The following TRPC1 variants were observed in gnomAD, a reference collection of about 807,000 sequenced individuals.
TRPC1 encodes the protein transient receptor potential cation channel subfamily C member 1.
Under a neutral mutation model 88.2 loss-of-function variants are expected in TRPC1, and 42 were observed. The observed-to-expected ratio is 0.48, with a 90% CI of 0.37 to 0.62. The LOEUF is 0.62. TRPC1 is among the 20% of genes least tolerant of loss of function. The pLI is 0.00. For missense variants in TRPC1, 699 were observed against 957.3 expected (o/e 0.73, Z 3.56); for synonymous variants, 288 against 331.8 (o/e 0.87, Z 1.43).
At chr3:142,771,409 C>T (rs957764923) in intron 4 of TRPC1, among the ~76,000 whole-genome samples, 1 of 152,044 alleles carries the variant, frequency 6.6e-6, no homozygotes, top group Non-Finnish European at 1.5e-5. Context: ...CTCCTGGACT[C>T]AAGCAGTCCC....
chr3:142,780,767 T>G (rs1371890376), intron 5 of TRPC1, 67 bp from the exon 6 acceptor site: 1 of 1,436,488 alleles, frequency 7.0e-7, no homozygotes, highest in Non-Finnish European at 9.3e-7. Context: ...AAAAACGTTT[T>G]TAGTGAATAT....
intron 4 of TRPC1, among the ~76,000 whole-genome samples, chr3:142,772,178 C>A (rs1935599169): frequency 1.3e-5 from 2 of 151,980 alleles, no homozygotes; most frequent in South Asian, 4.1e-4. Context: ...GTTTTTTTAG[C>A]TTCCTGGATG....
chr3:142,771,566 T>C (rs1310874571), intron 4 of TRPC1, among the ~76,000 whole-genome samples: 1 of 152,230 alleles, frequency 6.6e-6, no homozygotes, highest in Non-Finnish European at 1.5e-5. Flanking sequence ...ATTTTTGTTA[T>C]ACATATTCTA....
At chr3:142,737,851 G>T (rs1934197069) in intron 2 of TRPC1, among the ~76,000 whole-genome samples, 1 of 152,228 alleles carries the variant, frequency 6.6e-6, no homozygotes, top group Admixed American at 6.5e-5. Context: ...GTGTGTTTGT[G>T]TATGTGCGTT....
In TRPC1 at chr3:142,756,919, C is replaced by G. The variant is rs1934991541; in HGVS notation, c.632+8459C>G. Among the ~76,000 whole-genome samples the G allele has an allele frequency of 2.6e-5, 4 of 152,088 alleles. No individual in the cohort carries two copies. In the South Asian group the frequency reaches 8.3e-4, roughly 32 times the overall value. On this transcript the variant is annotated intron_variant, in intron 4 of 12. Transcript: ENST00000476941. ...TTCTTTCCTGGCCTCTGGTAGCCACCAGTCTACTCTCTATCTTCATGAGAT... is the reference window on the plus strand; with the variant it reads ...TTCTTTCCTGGCCTCTGGTAGCCACGAGTCTACTCTCTATCTTCATGAGAT...
At chr3:142,735,369 A>T (rs551389424) in intron 1 of TRPC1, among the ~76,000 whole-genome samples, 1 of 151,838 alleles carries the variant, frequency 6.6e-6, no homozygotes, top group South Asian at 2.1e-4. Context: ...TTCTATGCTG[A>T]TTGTTCTTTC....
intron 12 of TRPC1, 32 bp from the exon 13 acceptor site, chr3:142,805,976 C>A: frequency 1.3e-6 from 2 of 1,573,306 alleles, no homozygotes; most frequent in South Asian, 1.1e-5. Flanking sequence ...ATCGTTTCTG[C>A]ATATCCTTAG....
chr3:142,803,613 T>C (rs1050998569), intron 10 of TRPC1, among the ~76,000 whole-genome samples: 1 of 152,102 alleles, frequency 6.6e-6, no homozygotes, highest in Non-Finnish European at 1.5e-5. Context: ...ATGGGGATCA[T>C]GTAGGACTTT....
At chr3:142,727,845 T>C (rs1933746876) in intron 1 of TRPC1, among the ~76,000 whole-genome samples, 1 of 152,152 alleles carries the variant, frequency 6.6e-6, no homozygotes, top group Non-Finnish European at 1.5e-5. Flanking sequence ...TCCTCTCTCA[T>C]TGAGAATTAG....
chr3:142,735,063 G>A (rs1934078357), intron 1 of TRPC1, among the ~76,000 whole-genome samples: 1 of 152,106 alleles, frequency 6.6e-6, no homozygotes, highest in African/African-American at 2.4e-5. Flanking sequence ...TTTTCCCAGG[G>A]AGCATTTGTG....
intron 6 of TRPC1, among the ~76,000 whole-genome samples, chr3:142,784,305 A>C (rs1936060760): frequency 7.5e-6 from 1 of 133,596 alleles, no homozygotes; most frequent in Non-Finnish European, 1.5e-5. Context: ...TGGCTAAGTA[A>C]GCTAATAATA....
intron 3 of TRPC1, 139 bp from the exon 4 acceptor site, chr3:142,748,119 C>T: frequency 1.2e-6 from 1 of 808,996 alleles, no homozygotes; most frequent in Non-Finnish European, 1.9e-6. Context: ...AAATTTAGTC[C>T]AAGCAAAATG....
chr3:142,746,843 G>C (rs912669822), intron 3 of TRPC1, among the ~76,000 whole-genome samples: 15 of 151,746 alleles, frequency 9.9e-5, no homozygotes, highest in Admixed American at 2.0e-4. Flanking sequence ...GGGCGAAAGA[G>C]CGAGACTCCA....
intron 1 of TRPC1, among the ~76,000 whole-genome samples, chr3:142,731,863 G>C (rs142368775): frequency 6.6e-6 from 1 of 151,956 alleles, no homozygotes; most frequent in African/African-American, 2.4e-5. Context: ...AAAAAATTTC[G>C]TAACACATGA....
intron 10 of TRPC1, among the ~76,000 whole-genome samples, chr3:142,803,387 T>C (rs1936683776): frequency 6.6e-6 from 1 of 152,128 alleles, no homozygotes; most frequent in Non-Finnish European, 1.5e-5. Flanking sequence ...CCAGTGTGGA[T>C]GGAATGTGTT....
At chr3:142,764,015 T>TAA (rs1447301750) in intron 4 of TRPC1, among the ~76,000 whole-genome samples, 64 of 117,244 alleles carry the variant, frequency 5.5e-4, no homozygotes, top group East Asian at 2.5e-4. Flanking sequence ...TATATATATA[T>TAA]AACAAATTAT....
At chr3:142,779,481 C>T (rs1935887437) in intron 5 of TRPC1, among the ~76,000 whole-genome samples, 11 of 152,118 alleles carry the variant, frequency 7.2e-5, no homozygotes, top group Admixed American at 7.2e-4. Flanking sequence ...ATAATATATA[C>T]TTCTGATAAA....
intron 7 of TRPC1, among the ~76,000 whole-genome samples, chr3:142,788,255 T>C (rs1936191823): frequency 6.6e-6 from 1 of 152,078 alleles, no homozygotes; most frequent in Non-Finnish European, 1.5e-5. Context: ...GAGACCAATA[T>C]CGATGCTGTT....
Position 142,756,156 on chromosome 3 carries a change from A to G in TRPC1, c.632+7696A>G, listed in dbSNP as rs574024811. 7.7e-4 allele frequency among the ~76,000 whole-genome samples: 117 copies of G among 152,218 alleles called. 1 individual carries two copies. Among genetic ancestry groups the G allele is most frequent in the African/African-American group, 2.6e-3 (107 of 41,554 alleles). On this transcript the variant is annotated intron_variant, in intron 4 of 12. Transcript: ENST00000476941. ...AGTACCACCTTTTATTTATCTGTTC[A>G]CTAGCTGCTCAACATTTGAGTTGTT...
Sources: allele counts gnomAD v4.1 joint callset (sites outside exome capture counted in the v4.1 genomes callset), GRCh38; gene constraint gnomAD v4.1.1; transcripts MANE v1.5; gene names NCBI Gene and HGNC (gene_info 2026-07-23, HGNC 2026-07-21).